TTC27: variants seen among roughly 807,000 people sequenced by gnomAD.
TTC27 encodes the protein tetratricopeptide repeat domain 27.
Under a neutral mutation model 115.9 loss-of-function variants are expected in TTC27, and 79 were observed. The ratio of observed to expected loss-of-function variants is 0.68; its 90% CI spans 0.57 to 0.82. The LOEUF (loss-of-function observed/expected upper bound fraction) is 0.82, where lower values mean the gene tolerates loss of function less well. Ranked by LOEUF, TTC27 falls within the 40% of genes least tolerant of loss-of-function variation. The probability of loss-of-function intolerance (pLI) is 0.00; values close to 1 mark genes in which losing one functional copy is unlikely to be tolerated. For missense variants in TTC27, 1,054 were observed against 993.1 expected (o/e 1.06, Z -0.82); for synonymous variants, 401 against 356.0 (o/e 1.13, Z -1.42).
At chr2:32,677,996 C>G (rs1156757800) in intron 8 of TTC27, among the ~76,000 whole-genome samples, 3 of 152,114 alleles carry the variant, frequency 2.0e-5, no homozygotes, top group Non-Finnish European at 4.4e-5. Context: ...GTGGCCCATG[C>G]CTGTAATCCA....
intron 16 of TTC27, among the ~76,000 whole-genome samples, chr2:32,805,274 A>G (rs1297869852): frequency 6.6e-6 from 1 of 152,232 alleles, no homozygotes; most frequent in Non-Finnish European, 1.5e-5. Context: ...CTCACAGAGC[A>G]TGTGGCACAT....
In TTC27 at chr2:32,664,219, T is replaced by C. The variant is rs1665674158; in HGVS notation, c.641-84T>C. On this transcript the variant is annotated intron_variant, in intron 5 of 19. Coordinates refer to ENST00000317907, the MANE Select transcript of TTC27 (RefSeq NM_017735.5). ...ACAACAGAGACTATGTACTATATAC[T>C]TTATGTATTATAGACTCTATTTTAC... 4.1e-6 allele frequency: 5 copies of C among 1,206,234 alleles called. No individual in the cohort carries two copies. In the Admixed American group the frequency reaches 9.4e-5, roughly 23 times the overall value. 74.7% of individuals were successfully genotyped at this position (1,206,234 alleles called of 1,614,324 possible). A position where few individuals can be genotyped will look rare whatever the true frequency, so the allele number is the denominator to read the frequency against.
intron 17 of TTC27, 87 bp downstream of exon 17, chr2:32,811,308 T>A (rs1671309657): frequency 8.0e-7 from 1 of 1,250,106 alleles, no homozygotes; most frequent in Non-Finnish European, 1.1e-6. Context: ...AGGAAGAGTT[T>A]AACAATCTGA....
At chr2:32,731,159 A>G (rs1234231366) in intron 10 of TTC27, among the ~76,000 whole-genome samples, 2 of 151,884 alleles carry the variant, frequency 1.3e-5, no homozygotes, top group Admixed American at 6.6e-5. Flanking sequence ...CATTGGTGCA[A>G]TCACGGCTCA....
intron 18 of TTC27, among the ~76,000 whole-genome samples, chr2:32,816,701 G>A (rs1467656932): frequency 2.0e-5 from 3 of 152,242 alleles, no homozygotes; most frequent in South Asian, 2.1e-4. Flanking sequence ...GGTTGTGGTC[G>A]CGTTCTCTAC....
At chr2:32,661,059 G>C (rs982488761) in intron 5 of TTC27, among the ~76,000 whole-genome samples, 1 of 152,130 alleles carries the variant, frequency 6.6e-6, no homozygotes, top group Non-Finnish European at 1.5e-5. Flanking sequence ...TGTCATGTTT[G>C]TCAAAGATCA....
intron 13 of TTC27, among the ~76,000 whole-genome samples, chr2:32,771,718 T>C (rs1428350035): frequency 6.6e-6 from 1 of 151,984 alleles, no homozygotes; most frequent in African/African-American, 2.4e-5. Context: ...GCAGTGCACA[T>C]GAGGAAAAAA....
At chr2:32,658,743 C>CCTTGTTA (rs1225078448) in intron 5 of TTC27, among the ~76,000 whole-genome samples, 1 of 151,996 alleles carries the variant, frequency 6.6e-6, no homozygotes, top group South Asian at 2.1e-4. Flanking sequence ...TGTTAGACAC[C>CCTTGTTA]CTTGTTACTT....
At chr2:32,725,931 A>G (rs1297069559) in intron 10 of TTC27, among the ~76,000 whole-genome samples, 1 of 108,362 alleles carries the variant, frequency 9.2e-6, no homozygotes, top group Non-Finnish European at 2.2e-5. Context: ...CAACACCAAC[A>G]GAAGCTGCCA....
chr2:32,640,523 C>A, intron 4 of TTC27, 113 bp downstream of exon 4: 1 of 1,102,504 alleles, frequency 9.1e-7, no homozygotes. Flanking sequence ...TCTAAGTCTT[C>A]TAGGTATGTA....
At chr2:32,705,698 C>T (rs1216664928) in intron 10 of TTC27, among the ~76,000 whole-genome samples, 1 of 152,048 alleles carries the variant, frequency 6.6e-6, no homozygotes, top group Non-Finnish European at 1.5e-5. Flanking sequence ...GTTAGGGCTA[C>T]AGGTGCATGC....
chr2:32,685,333 C>T (rs1666594004), intron 9 of TTC27, among the ~76,000 whole-genome samples: 1 of 151,982 alleles, frequency 6.6e-6, no homozygotes, highest in Non-Finnish European at 1.5e-5. Context: ...CCCAGCCTGC[C>T]TGTTCGTTAA....
intron 7 of TTC27, 100 bp from the exon 8 acceptor site, chr2:32,672,171 GT>G (rs1482335775): frequency 2.9e-5 from 22 of 764,984 alleles, no homozygotes; most frequent in Non-Finnish European, 4.4e-5. Context: ...TGTCAAACAG[GT>G]AAGTTAACTT....
intron 10 of TTC27, among the ~76,000 whole-genome samples, chr2:32,718,215 C>A (rs1389178118): frequency 6.6e-6 from 1 of 151,960 alleles, no homozygotes; most frequent in Admixed American, 6.6e-5. Flanking sequence ...CAATTCAGTT[C>A]TGAATTTGGA....
chr2:32,652,742 T>C (rs1163868198), intron 5 of TTC27, among the ~76,000 whole-genome samples: 3 of 152,214 alleles, frequency 2.0e-5, no homozygotes, highest in Admixed American at 2.0e-4. Flanking sequence ...AATGTTTTGT[T>C]CTGGGATTTG....
chr2:32,735,959 T>G (rs779710315), intron 11 of TTC27, among the ~76,000 whole-genome samples: 20 of 152,198 alleles, frequency 1.3e-4, no homozygotes, highest in Non-Finnish European at 2.4e-4. Context: ...CTTAAATATG[T>G]GTTGAATTTT....
intron 9 of TTC27, among the ~76,000 whole-genome samples, chr2:32,691,509 G>A (rs569649953): frequency 8.5e-5 from 13 of 152,048 alleles, no homozygotes; most frequent in Middle Eastern, 3.4e-3. Flanking sequence ...ATGTTGCCCA[G>A]GCTGGTCTTG....
At chr2:32,798,135 G>C (rs185832713) in intron 16 of TTC27, among the ~76,000 whole-genome samples, 1 of 151,092 alleles carries the variant, frequency 6.6e-6, no homozygotes, top group Non-Finnish European at 1.5e-5. Flanking sequence ...GGCCAGGCGC[G>C]GTGGCTCACA....
At chr2:32,665,773 C>A (rs1020213344) in intron 6 of TTC27, among the ~76,000 whole-genome samples, 18 of 152,150 alleles carry the variant, frequency 1.2e-4, no homozygotes, top group African/African-American at 4.3e-4. Flanking sequence ...TGCCTGTAAT[C>A]CCAGCTACTC....
Sources: allele counts gnomAD v4.1 joint callset (sites outside exome capture counted in the v4.1 genomes callset), GRCh38; gene constraint gnomAD v4.1.1; transcripts MANE v1.5; gene names NCBI Gene and HGNC (gene_info 2026-07-23, HGNC 2026-07-21).